The following TPRG1 variants were observed in gnomAD, a reference collection of about 807,000 sequenced individuals.
TPRG1 encodes tumor protein p63-regulated gene 1 protein.
A neutral mutation model predicts 29.3 loss-of-function variants in TPRG1; 29 were observed. The ratio of observed to expected loss-of-function variants is 0.99; its 90% CI spans 0.74 to 1.35. The LOEUF (loss-of-function observed/expected upper bound fraction) is 1.35, where lower values mean the gene tolerates loss of function less well. TPRG1 is among the 40% of genes most tolerant of loss of function. The pLI, the probability that TPRG1 is intolerant of heterozygous loss-of-function variation, is 0.00. For synonymous variants in TPRG1, 130 were observed against 116.8 expected (o/e 1.11, Z -0.73); for missense variants, 327 against 335.0 (o/e 0.98, Z 0.19).
At chr3:189,180,734 C>T (rs565365134) in intron 1 of TPRG1, among the ~76,000 whole-genome samples, 1 of 152,300 alleles carries the variant, frequency 6.6e-6, no homozygotes, top group Admixed American at 6.5e-5. Context: ...ACAGTGCAAA[C>T]CGTCAGCGCA....
Position 189,293,611 on chromosome 3 carries a change from CTCATCAAGGATG to C in TPRG1, c.480-16774_480-16763del, listed in dbSNP as rs1719384669. Reference sequence around the variant, plus strand: ...GGTTAAGGGCATCAGTGTCTTCTCACTCATCAAGGATGAAAACCTCAGGACCACAAAATAGAA... The same window carrying C: ...GGTTAAGGGCATCAGTGTCTTCTCACAAAACCTCAGGACCACAAAATAGAA... On this transcript the variant is annotated intron_variant, in intron 4 of 5. Transcript: ENST00000345063. Among the ~76,000 whole-genome samples, 5 of 152,318 alleles carry C rather than the reference CTCATCAAGGATG, an allele frequency of 3.3e-5. No homozygotes were observed. In the South Asian group the frequency reaches 1.0e-3, roughly 32 times the overall value.
At chr3:189,021,544 AT>A (rs1225961071) in intron 3 of TPRG1, among the ~76,000 whole-genome samples, 1 of 152,150 alleles carries the variant, frequency 6.6e-6, no homozygotes, top group Non-Finnish European at 1.5e-5. Context: ...TTCTTTAAGA[AT>A]GTTGAATATT....
intron 4 of TPRG1, among the ~76,000 whole-genome samples, chr3:189,244,377 C>A (rs1364500301): frequency 1.3e-5 from 2 of 151,964 alleles, no homozygotes; most frequent in African/African-American, 4.8e-5. Flanking sequence ...CAAGATCGAG[C>A]CACTGCACTC....
At chr3:189,148,144 A>G (rs1725489586) in intron 4 of TPRG1, among the ~76,000 whole-genome samples, 1 of 152,212 alleles carries the variant, frequency 6.6e-6, no homozygotes, top group Non-Finnish European at 1.5e-5. Context: ...GCAAGTTGCT[A>G]TAAAACCTTT....
chr3:189,239,314 A>G (rs1188359018), intron 4 of TPRG1, among the ~76,000 whole-genome samples: 1 of 152,098 alleles, frequency 6.6e-6, no homozygotes, highest in Admixed American at 6.6e-5. Context: ...AGACTTATTC[A>G]CTATCAAGAG....
At chr3:189,079,083 A>G (rs1349992046) in intron 4 of TPRG1, among the ~76,000 whole-genome samples, 1 of 152,168 alleles carries the variant, frequency 6.6e-6, no homozygotes, top group East Asian at 1.9e-4. Flanking sequence ...GAAGCTTCCA[A>G]TTATGGCAGA....
At position 189,324,376 on chromosome 3, in the gene TPRG1, C is replaced by T. The variant is rs941247210; in HGVS notation, c.*3556C>T. On this transcript the variant is annotated 3_prime_UTR_variant, in exon 6 of 6. Coordinates refer to ENST00000345063, the MANE Select transcript of TPRG1 (RefSeq NM_198485.4). ...CAATTTCTATCCCTAGCCCACTGCT[C>T]TTTCCAATATAATATCTGTATTCCA... 3 of 152,154 alleles carry T rather than the reference C, an allele frequency of 2.0e-5. No homozygotes were observed. The highest frequency in any genetic ancestry group is 7.2e-5 in the African/African-American group (3 of 41,436). 9.4% of individuals were successfully genotyped at this position (152,154 alleles called of 1,614,324 possible). A position where few individuals can be genotyped will look rare whatever the true frequency, so the allele number is the denominator to read the frequency against.
At chr3:189,011,496 C>T (rs984858182) in intron 3 of TPRG1, among the ~76,000 whole-genome samples, 11 of 152,124 alleles carry the variant, frequency 7.2e-5, no homozygotes, top group African/African-American at 2.7e-4. Context: ...CTAGGGATGC[C>T]TCTCAATCAT....
chr3:189,002,716 G>A (rs1392026367), intron 2 of TPRG1, among the ~76,000 whole-genome samples: 2 of 152,092 alleles, frequency 1.3e-5, no homozygotes, highest in Non-Finnish European at 2.9e-5. Flanking sequence ...CTGCAGACAT[G>A]ACCTTTCATC....
intron 4 of TPRG1, among the ~76,000 whole-genome samples, chr3:189,042,404 A>G (rs1714691495): frequency 6.6e-6 from 1 of 152,064 alleles, no homozygotes; most frequent in South Asian, 2.1e-4. Context: ...TATTGATAAC[A>G]TTTTCTATCT....
At chr3:189,250,501 T>TCCCCCCCCCCCC (rs1347491782) in intron 4 of TPRG1, among the ~76,000 whole-genome samples, 1 of 31,034 alleles carries the variant, frequency 3.2e-5, no homozygotes, top group Non-Finnish European at 6.8e-5. Flanking sequence ...AGTTCTGATT[T>TCCCCCCCCCCCC]CCGCCCCCCC....
intron 1 of TPRG1, among the ~76,000 whole-genome samples, chr3:189,201,690 C>T (rs756360542): frequency 1.3e-5 from 2 of 151,962 alleles, no homozygotes; most frequent in Non-Finnish European, 2.9e-5. Context: ...CTCCATTTCA[C>T]CCAGGCTGGA....
At chr3:189,048,994 T>C (rs1715142528) in intron 4 of TPRG1, among the ~76,000 whole-genome samples, 1 of 152,122 alleles carries the variant, frequency 6.6e-6, no homozygotes, top group South Asian at 2.1e-4. Flanking sequence ...GAGAGCTCGC[T>C]TGGTCCCCAG....
At position 189,274,109 on chromosome 3, in the gene TPRG1, A is replaced by ATT. The variant is rs59663016; in HGVS notation, c.479+35212_479+35213dup. On this transcript the variant is annotated intron_variant, in intron 4 of 5. Coordinates refer to ENST00000345063, the MANE Select transcript of TPRG1 (RefSeq NM_198485.4). ...TATCTTTTAACTTCTCGGAACCCAG[A>ATT]TTTTTTTTTTTTTCACTGATCCATG... Among the ~76,000 whole-genome samples, 128 of 146,084 alleles carry ATT rather than the reference A, an allele frequency of 8.8e-4. 1 individual carries two copies. In the East Asian group the frequency reaches 0.015, roughly 18 times the overall value.
chr3:189,226,447 G>C (rs1469663027), intron 3 of TPRG1, among the ~76,000 whole-genome samples: 1 of 151,904 alleles, frequency 6.6e-6, no homozygotes, highest in Non-Finnish European at 1.5e-5. Context: ...GAATCTCAAA[G>C]GAAATAAAAA....
chr3:189,293,701 A>G (rs1002855565), intron 4 of TPRG1, among the ~76,000 whole-genome samples: 14 of 152,178 alleles, frequency 9.2e-5, no homozygotes, highest in African/African-American at 3.1e-4. Flanking sequence ...TTAAGATTCT[A>G]TTATCTTTGA....
At chr3:189,022,623 T>C (rs1713395450) in intron 3 of TPRG1, among the ~76,000 whole-genome samples, 1 of 152,160 alleles carries the variant, frequency 6.6e-6, no homozygotes, top group Admixed American at 6.5e-5. Flanking sequence ...GGAGAACTAC[T>C]GCTCTCTTCA....
At chr3:189,317,987 A>G (rs1000911917) in intron 5 of TPRG1, among the ~76,000 whole-genome samples, 1 of 152,156 alleles carries the variant, frequency 6.6e-6, no homozygotes, top group Non-Finnish European at 1.5e-5. Flanking sequence ...ACTTGAATTT[A>G]TAGTCACAGG....
At chr3:189,260,173 G>A (rs1350711574) in intron 4 of TPRG1, among the ~76,000 whole-genome samples, 2 of 152,134 alleles carry the variant, frequency 1.3e-5, no homozygotes, top group African/African-American at 4.8e-5. Flanking sequence ...GGGAGGGTTG[G>A]ATAATAGTAT....
Sources: gnomAD v4.1 joint callset for allele counts (sites outside exome capture counted in the v4.1 genomes callset) on GRCh38, gnomAD v4.1.1 for gene constraint, MANE v1.5 for transcripts, NCBI Gene and HGNC (gene_info 2026-07-23, HGNC 2026-07-21) for gene names.